The following COL24A1 variants were observed in gnomAD, a reference collection of about 807,000 sequenced individuals.
The protein encoded by COL24A1 is collagen type XXIV alpha 1 chain.
In COL24A1, 224 loss-of-function variants were observed where a neutral mutation model predicts 253.9. That is an observed-to-expected ratio of 0.88 (90% CI 0.79 to 0.99). COL24A1 has a LOEUF of 0.99. COL24A1 is among the 50% of genes least tolerant of loss of function. The probability of loss-of-function intolerance (pLI) is 0.00; values close to 1 mark genes in which losing one functional copy is unlikely to be tolerated. For synonymous variants in COL24A1, 685 were observed against 673.7 expected (o/e 1.02, Z -0.26); for missense variants, 2,131 against 2,068.5 (o/e 1.03, Z -0.59).
chr1:86,022,586 T>G lies in COL24A1; in HGVS notation c.2154A>C (p.Glu718Asp). Residue 718 changes from glutamate (E) to aspartate (D), a missense_variant, in exon 17 of 60, where the codon GAA (glutamate) becomes GAC (aspartate). Glu to Asp is a conservative substitution (Grantham distance 45). Coordinates refer to ENST00000370571, the MANE Select transcript of COL24A1 (RefSeq NM_152890.7). ...CTCCTAGCTCTCCTGCTGTGCCTTG[T>G]TCACCCTGGAAAGCACAATTTCATG... ...GLPGIKGDKGEQGTAGELGEP... is the reference protein window; with the variant it reads ...GLPGIKGDKGDQGTAGELGEP... 6.2e-7 allele frequency: 1 copy of G among 1,612,872 alleles called. No individual in the cohort carries two copies. Among genetic ancestry groups the G allele is most frequent in the Non-Finnish European group, 8.5e-7 (1 of 1,179,380 alleles).
At chr1:85,957,138 A>C (rs1228072978) in intron 24 of COL24A1, among the ~76,000 whole-genome samples, 1 of 152,170 alleles carries the variant, frequency 6.6e-6, no homozygotes, top group Admixed American at 6.6e-5. Flanking sequence ...GGAGTTGAAC[A>C]ATGAGAACAC....
intron 31 of COL24A1, among the ~76,000 whole-genome samples, chr1:85,891,134 T>C (rs1683086048): frequency 6.6e-6 from 1 of 151,498 alleles, no homozygotes; most frequent in African/African-American, 2.4e-5. Flanking sequence ...CACTGCAACC[T>C]CCACATCCTG....
chr1:86,058,867 CT>C (rs1187256199), intron 9 of COL24A1, among the ~76,000 whole-genome samples: 6 of 152,090 alleles, frequency 3.9e-5, no homozygotes, highest in African/African-American at 1.4e-4. Flanking sequence ...CTTATTAACA[CT>C]TGTGCATTTT....
intron 59 of COL24A1, among the ~76,000 whole-genome samples, chr1:85,733,143 C>T (rs1172407703): frequency 6.6e-6 from 1 of 152,052 alleles, no homozygotes; most frequent in Non-Finnish European, 1.5e-5. Context: ...TATGATTTTT[C>T]AAGCACTATT....
intron 24 of COL24A1, among the ~76,000 whole-genome samples, chr1:85,917,185 C>G (rs1571209203): frequency 6.6e-6 from 1 of 152,120 alleles, no homozygotes; most frequent in Non-Finnish European, 1.5e-5. Context: ...AAATCCTTTT[C>G]AAAAGGATAC....
chr1:85,926,413 C>G (rs1426746949), intron 24 of COL24A1, among the ~76,000 whole-genome samples: 1 of 152,190 alleles, frequency 6.6e-6, no homozygotes, highest in Non-Finnish European at 1.5e-5. Context: ...AACTTGGAAC[C>G]AACCCAAATG....
At chr1:85,852,421 C>T (rs1000219917) in intron 37 of COL24A1, among the ~76,000 whole-genome samples, 2 of 152,140 alleles carry the variant, frequency 1.3e-5, no homozygotes, top group African/African-American at 4.8e-5. Context: ...CACCTCTGCA[C>T]AACTTATTCT....
intron 32 of COL24A1, among the ~76,000 whole-genome samples, chr1:85,878,308 T>C (rs2102627854): frequency 6.6e-6 from 1 of 152,316 alleles, no homozygotes; most frequent in South Asian, 2.1e-4. Context: ...CTTCTAGTTG[T>C]GTCCTCACAT....
intron 26 of COL24A1, among the ~76,000 whole-genome samples, chr1:85,908,938 T>C (rs1323655702): frequency 1.3e-5 from 2 of 151,802 alleles, no homozygotes; most frequent in Non-Finnish European, 3.0e-5. Flanking sequence ...CTACAGCCTA[T>C]TTATAAGAGA....
At chr1:85,932,221 A>T (rs964162201) in intron 24 of COL24A1, among the ~76,000 whole-genome samples, 1 of 80,032 alleles carries the variant, frequency 1.2e-5, no homozygotes, top group Non-Finnish European at 2.5e-5. Flanking sequence ...ATCTACAATG[A>T]ACTCAAACAA....
intron 35 of COL24A1, 123 bp from the exon 36 acceptor site, chr1:85,868,958 T>G (rs192472823): frequency 3.4e-4 from 201 of 599,720 alleles, no homozygotes; most frequent in Non-Finnish European, 3.1e-4. Flanking sequence ...TCTACTACTT[T>G]ATTTCTAAAG....
At chr1:86,101,775 G>C (rs2102050202) in intron 5 of COL24A1, among the ~76,000 whole-genome samples, 1 of 152,268 alleles carries the variant, frequency 6.6e-6, no homozygotes, top group South Asian at 2.1e-4. Context: ...TGTGCTGCTG[G>C]ATTCAGTTTG....
chr1:85,874,621 A>G, intron 35 of COL24A1, 28 bp downstream of exon 35: 1 of 1,607,474 alleles, frequency 6.2e-7, no homozygotes, highest in Non-Finnish European at 8.5e-7. Context: ...GGGTTAGTGT[A>G]TTAAAAGAGT....
intron 11 of COL24A1, 62 bp from the exon 12 acceptor site, chr1:86,046,931 T>G: frequency 1.1e-6 from 1 of 924,226 alleles, no homozygotes. Context: ...ACTATAGATC[T>G]TTTTCTCCCA....
intron 5 of COL24A1, among the ~76,000 whole-genome samples, chr1:86,096,022 G>A (rs893143498): frequency 2.6e-5 from 4 of 152,006 alleles, no homozygotes; most frequent in Admixed American, 2.0e-4. Context: ...AGAGCATTGG[G>A]ATTTGGAGTG....
chr1:85,849,331 A>G (rs750888657), intron 38 of COL24A1, 22 bp downstream of exon 38: 11 of 1,608,092 alleles, frequency 6.8e-6, no homozygotes, highest in East Asian at 2.2e-5. Flanking sequence ...GAAAACCTGC[A>G]TAAGAAGATG....
chr1:85,972,645 G>A lies in COL24A1; in HGVS notation c.2365-1252C>T, dbSNP rs190988742. ...AAAACTCTCTTCACTTTTAGTGCAC[G>A]TTGTTTGAGGGGAGGTGACTCCACC... On this transcript the variant is annotated intron_variant, in intron 20 of 59. Transcript: ENST00000370571. 2.3e-3 allele frequency among the ~76,000 whole-genome samples: 346 copies of A among 151,184 alleles called. 2 individuals carry two copies. The highest frequency in any genetic ancestry group is 8.1e-3 in the African/African-American group (336 of 41,476).
intron 24 of COL24A1, among the ~76,000 whole-genome samples, chr1:85,914,544 C>T (rs572243827): frequency 6.6e-6 from 1 of 152,088 alleles, no homozygotes; most frequent in Non-Finnish European, 1.5e-5. Flanking sequence ...GCGTGCACCA[C>T]CATGCCTGAT....
At position 85,732,139 on chromosome 1, in the gene COL24A1, G is replaced by A. The variant is rs1276143905; in HGVS notation, c.4999-1447C>T. 3.9e-5 allele frequency among the ~76,000 whole-genome samples: 6 copies of A among 152,106 alleles called. No homozygotes were observed. The East Asian group carries it at 1.2e-3, about 29-fold the overall frequency. On this transcript the variant is annotated intron_variant, in intron 59 of 59. Transcript: ENST00000370571. ...ATAAACACCTACCTCACAGGCTTGC[G>A]AGGATTAAATGAAGTTTCAATCAAA...
Sources: allele counts gnomAD v4.1 joint callset (sites outside exome capture counted in the v4.1 genomes callset), GRCh38; gene constraint gnomAD v4.1.1; transcripts MANE v1.5; gene names NCBI Gene and HGNC (gene_info 2026-07-23, HGNC 2026-07-21).